The following USP8 variants were observed in gnomAD, a reference collection of about 807,000 sequenced individuals.
USP8 encodes ubiquitin carboxyl-terminal hydrolase 8.
Under a neutral mutation model 130.0 loss-of-function variants are expected in USP8, and 27 were observed. That is an observed-to-expected ratio of 0.21 (90% CI 0.15 to 0.29). USP8 has a LOEUF of 0.29. Among genes scored for constraint, USP8 ranks in the 10% least tolerant of loss-of-function variants. The probability of loss-of-function intolerance (pLI) is 1.00; values close to 1 mark genes in which losing one functional copy is unlikely to be tolerated. For missense variants in USP8, 1,029 were observed against 1,312.2 expected, an observed-to-expected ratio of 0.78 and a Z score of 3.33; for synonymous variants, 392 against 444.1, an observed-to-expected ratio of 0.88 and a Z score of 1.48.
At chr15:50,450,998 G>A (rs2050614005) in intron 4 of USP8, among the ~76,000 whole-genome samples, 1 of 152,106 alleles carries the variant, frequency 6.6e-6, no homozygotes, top group South Asian at 2.1e-4. Flanking sequence ...ACTGAGAGCT[G>A]TTTGATGCAA....
At chr15:50,482,343 A>T (rs2051804153) in intron 11 of USP8, among the ~76,000 whole-genome samples, 1 of 152,320 alleles carries the variant, frequency 6.6e-6, no homozygotes, top group East Asian at 1.9e-4. Context: ...TACATTCTTC[A>T]TTTTTATGTT....
At position 50,493,996 on chromosome 15, in the gene USP8, T is replaced by C. The variant is rs1314023251; in HGVS notation, c.2448-74T>C. The C allele has an allele frequency of 6.6e-6, 10 of 1,512,912 alleles. No individual in the cohort carries two copies. The Admixed American group carries it at 1.0e-4, about 16-fold the overall frequency. The allele number at this position is 1,512,912 out of a possible 1,614,324, so 93.7% of individuals were successfully genotyped here. A position where few individuals can be genotyped will look rare whatever the true frequency, so the allele number is the denominator to read the frequency against. Reference sequence around the variant, plus strand: ...GTATGTGAATAATTTCATGTTGACATCAAGAATCTACTGTACCTTGCTTAA... The same window carrying C: ...GTATGTGAATAATTTCATGTTGACACCAAGAATCTACTGTACCTTGCTTAA... On this transcript the variant is annotated intron_variant, in intron 15 of 19. Coordinates refer to ENST00000307179, the MANE Select transcript of USP8 (RefSeq NM_005154.5).
rs2141317082 is a variant in USP8 at position 50,490,248 on chromosome 15, TC to T, written c.1972-14del. The T allele has an allele frequency of 4.4e-6, 7 of 1,579,906 alleles. No individual in the cohort carries two copies. Among genetic ancestry groups the T allele is most frequent in the South Asian group, 1.2e-5 (1 of 84,492 alleles). ...TTGTTTTTTGACCTGTTTTTTTTTTTCTTTTCCATCTAAGTTTCTTGACCCA... is the reference window on the plus strand; with the variant it reads ...TTGTTTTTTGACCTGTTTTTTTTTTTTTTTCCATCTAAGTTTCTTGACCCA... On this transcript the variant is annotated splice_polypyrimidine_tract_variant and intron_variant, in intron 13 of 19. Transcript: ENST00000307179.
rs139674785 is a variant in USP8, at chr15:50,490,341, G to A, written c.2050G>A (p.Ala684Thr). ...TGTTCATATGTACCCACCGGAAATG[G>A]CTCCTTCATCTGCACCTCCTTCCAC... is the stretch of plus-strand genomic sequence containing the variant. ...NTVHMYPPEM[A>T]PSSAPPSTPP... Residue 684 changes from alanine to threonine, a missense_variant, in exon 14 of 20, where the codon GCT becomes ACT. By Grantham distance (58) the Ala-to-Thr change is moderately conservative (BLOSUM62 0). Transcript: ENST00000307179. 6.2e-7 allele frequency: 1 copy of A among 1,613,432 alleles called. No individual in the cohort carries two copies. The highest frequency in any genetic ancestry group is 8.5e-7 in the Non-Finnish European group (1 of 1,179,898).
At chr15:50,436,995 A>T (rs1297916625) in intron 1 of USP8, among the ~76,000 whole-genome samples, 8 of 146,926 alleles carry the variant, frequency 5.4e-5, no homozygotes, top group African/African-American at 4.9e-5. Flanking sequence ...TTTTTTTTTT[A>T]AATCAATATG....
intron 7 of USP8, among the ~76,000 whole-genome samples, chr15:50,470,864 C>A (rs1379474211): frequency 6.6e-6 from 1 of 152,168 alleles, no homozygotes; most frequent in Non-Finnish European, 1.5e-5. Context: ...TCCCAAAGTG[C>A]TGGGATTACA....
At chr15:50,498,774 TAA>T in intron 19 of USP8, 46 bp downstream of exon 19, 1 of 1,567,194 alleles carries the variant, frequency 6.4e-7, no homozygotes, top group South Asian at 1.2e-5. Flanking sequence ...AAAGCAAGTT[TAA>T]AAAAAGTTTT....
At chr15:50,496,917 T>A (rs1444524699) in intron 17 of USP8, 172 bp from the exon 18 acceptor site, 2 of 762,062 alleles carry the variant, frequency 2.6e-6, no homozygotes, top group Non-Finnish European at 4.0e-6. Flanking sequence ...GCTGTCATTG[T>A]TCACTTGTCT....
At chr15:50,459,200 C>T (rs1156892127) in intron 5 of USP8, 38 bp downstream of exon 5, 3 of 1,572,762 alleles carry the variant, frequency 1.9e-6, no homozygotes, top group Non-Finnish European at 2.6e-6. Flanking sequence ...AAGACTGTTT[C>T]TGCTTGTTAG....
chr15:50,488,377 A>ATT (rs1040558313), intron 12 of USP8, among the ~76,000 whole-genome samples: 1 of 151,828 alleles, frequency 6.6e-6, no homozygotes, highest in Non-Finnish European at 1.5e-5. Context: ...CACATATTCT[A>ATT]TTTATTACAT....
intron 1 of USP8, among the ~76,000 whole-genome samples, chr15:50,431,010 G>A (rs533141278): frequency 1.4e-4 from 22 of 152,320 alleles, no homozygotes; most frequent in South Asian, 8.3e-4. Context: ...GCACAGAGCA[G>A]CCTCTCACAA....
intron 1 of USP8, among the ~76,000 whole-genome samples, chr15:50,433,117 C>T (rs935082397): frequency 1.1e-4 from 17 of 152,006 alleles, no homozygotes; most frequent in African/African-American, 3.4e-4. Flanking sequence ...GGCGGGGCGC[C>T]TGTAATCTCA....
At chr15:50,428,231 C>G (rs533010009) in intron 1 of USP8, among the ~76,000 whole-genome samples, 1 of 152,150 alleles carries the variant, frequency 6.6e-6, no homozygotes, top group Admixed American at 6.5e-5. Flanking sequence ...ATTCTCCTGC[C>G]TCAGCCTCCC....
In USP8 at chr15:50,505,335, C is replaced by T. The variant is rs1417680021; in HGVS notation, c.*6247C>T. On this transcript the variant is annotated 3_prime_UTR_variant, in exon 20 of 20. Coordinates refer to ENST00000307179, the MANE Select transcript of USP8 (RefSeq NM_005154.5). ...AGAATCTAACCTGCTGGTAGAAGTTCTCCATAGCAGCCATAGAAATCAGAG... is the reference window on the plus strand; with the variant it reads ...AGAATCTAACCTGCTGGTAGAAGTTTTCCATAGCAGCCATAGAAATCAGAG... 6.6e-6 allele frequency: 1 copy of T among 152,124 alleles called. No homozygotes were observed. The highest frequency in any genetic ancestry group is 2.4e-5 in the African/African-American group (1 of 41,422). The allele number at this position is 152,124 out of a possible 1,614,324, so 9.4% of individuals were successfully genotyped here.
intron 2 of USP8, 52 bp downstream of exon 2, chr15:50,439,229 C>A (rs545664035): frequency 1.7e-6 from 2 of 1,144,714 alleles, no homozygotes; most frequent in African/African-American, 1.6e-5. Flanking sequence ...ATTTTTAGTT[C>A]GTTTCCATAT....
At chr15:50,458,905 C>T (rs2050881518) in intron 4 of USP8, 95 bp from the exon 5 acceptor site, 1 of 1,470,852 alleles carries the variant, frequency 6.8e-7, no homozygotes, top group South Asian at 1.2e-5. Context: ...CATGAAATAC[C>T]TCAAGGCAGG....
chr15:50,445,562 A>AAAAAAAAAAAAG (rs2050404801), intron 3 of USP8, among the ~76,000 whole-genome samples: 1 of 110,144 alleles, frequency 9.1e-6, no homozygotes, highest in African/African-American at 3.4e-5. Context: ...AAAAAAAAAA[A>AAAAAAAAAAAAG]AAAAAAAGCC....
chr15:50,464,360 A>G (rs1595940658), intron 6 of USP8, among the ~76,000 whole-genome samples: 1 of 152,308 alleles, frequency 6.6e-6, no homozygotes, highest in East Asian at 1.9e-4. Flanking sequence ...TTTTAGAACC[A>G]TAGATATTTC....
At chr15:50,442,217 G>A (rs1399071501) in intron 3 of USP8, among the ~76,000 whole-genome samples, 2 of 151,948 alleles carry the variant, frequency 1.3e-5, no homozygotes, top group Non-Finnish European at 2.9e-5. Context: ...CAGTTGATCT[G>A]CCTGCCTCGG....
Sources: allele counts gnomAD v4.1 joint callset (sites outside exome capture counted in the v4.1 genomes callset), GRCh38; gene constraint gnomAD v4.1.1; transcripts MANE v1.5; gene names NCBI Gene and HGNC (gene_info 2026-07-23, HGNC 2026-07-21).